The following GHRHR variants were observed in gnomAD, a reference collection of about 807,000 sequenced individuals.
GHRHR encodes the protein growth hormone-releasing hormone receptor.
Under a neutral mutation model 58.3 loss-of-function variants are expected in GHRHR, and 40 were observed. The observed-to-expected ratio is 0.69, with a 90% CI of 0.53 to 0.89. The LOEUF (loss-of-function observed/expected upper bound fraction) is 0.89, where lower values mean the gene tolerates loss of function less well. GHRHR is among the 40% of genes least tolerant of loss of function. GHRHR has a pLI of 0.00. For synonymous variants in GHRHR, 249 were observed against 216.6 expected (o/e 1.15, Z -1.31); for missense variants, 551 against 541.3 (o/e 1.02, Z -0.18).
At chr7:30,972,262 G>T (rs1470947058) in intron 6 of GHRHR, 167 bp downstream of exon 6, 2 of 678,320 alleles carry the variant, frequency 2.9e-6, no homozygotes, top group Non-Finnish European at 5.1e-6. Flanking sequence ...CACCCCCTAA[G>T]TCCTCACGCC....
chr7:30,976,678 C>A (rs1792591454), intron 11 of GHRHR, 120 bp downstream of exon 11: 2 of 822,720 alleles, frequency 2.4e-6, no homozygotes, highest in Non-Finnish European at 2.0e-6. Flanking sequence ...TCCATCTATT[C>A]AAATATCTGT....
At chr7:30,977,188 G>T (rs1792602785) in intron 11 of GHRHR, 93 bp from the exon 12 acceptor site, 1 of 1,171,624 alleles carries the variant, frequency 8.5e-7, no homozygotes, top group East Asian at 2.3e-5. Flanking sequence ...CCATAGCCTG[G>T]GGATGAGTAG....
intron 1 of GHRHR, among the ~76,000 whole-genome samples, chr7:30,967,503 T>C (rs558456742): frequency 6.6e-6 from 1 of 152,112 alleles, no homozygotes; most frequent in African/African-American, 2.4e-5. Flanking sequence ...ATCAAGGTTA[T>C]GATCCTTTCA....
intron 11 of GHRHR, among the ~76,000 whole-genome samples, 172 bp from the exon 12 acceptor site, chr7:30,977,109 A>G (rs755953460): frequency 1.7e-4 from 26 of 152,236 alleles, no homozygotes; most frequent in Non-Finnish European, 3.4e-4. Flanking sequence ...CAATTCTATG[A>G]CAATATGCCT....
rs1001211138 is a variant in GHRHR at position 30,971,157 on chromosome 7, G to A, written c.405G>A (p.Val135=). 7 of 1,529,912 alleles carry A rather than the reference G, an allele frequency of 4.6e-6. No homozygotes were observed. Among genetic ancestry groups the A allele is most frequent in the Admixed American group, 1.9e-5 (1 of 51,754 alleles). The allele number at this position is 1,529,912 out of a possible 1,614,324, so 94.8% of individuals were successfully genotyped here. ...CCACAGTGAAGATTATCTACACCGT[G>A]GGCCATAGCATCTCTATTGTAGCCC... The part of the protein sequence containing the change: ...YFSTVKIIYT[V]GHSISIVALF... The change falls in exon 5 of 13, where the codon GTG becomes GTA. Residue 135 remains valine, a synonymous_variant. Coordinates refer to ENST00000326139, the MANE Select transcript of GHRHR (RefSeq NM_000823.4).
At position 30,973,990 on chromosome 7, in the gene GHRHR, A is replaced by G. The variant is rs1792525829; in HGVS notation, c.603A>G (p.Leu201=). 3.7e-6 allele frequency: 6 copies of G among 1,613,388 alleles called. No homozygotes were observed. Among genetic ancestry groups the G allele is most frequent in the Admixed American group, 3.3e-5 (2 of 60,004 alleles). The part of the protein sequence containing the change: ...DTDHCSFSTV[L]CKVSVAASHF... ...ACCCAGGTCCTGGCCCCCAGGTTCT[A>G]TGCAAGGTCTCTGTGGCCGCCTCCC... is the stretch of plus-strand genomic sequence containing the variant. Residue 201 remains leucine (L), a synonymous_variant, in exon 7 of 13, where the codon CTA becomes CTG. Transcript: ENST00000326139.
intron 12 of GHRHR, 77 bp downstream of exon 12, chr7:30,977,399 C>A: frequency 7.8e-7 from 1 of 1,274,984 alleles, no homozygotes; most frequent in Non-Finnish European, 1.1e-6. Flanking sequence ...CTCTCCCACT[C>A]AGGCCCTGTA....
intron 6 of GHRHR, among the ~76,000 whole-genome samples, chr7:30,972,578 T>C (rs189810921): frequency 5.9e-5 from 9 of 152,104 alleles, no homozygotes; most frequent in Non-Finnish European, 1.0e-4. Flanking sequence ...TGGAGCTGTA[T>C]TGGCAGCAAC....
chr7:30,974,832 C>T, intron 8 of GHRHR, 139 bp from the exon 9 acceptor site: 1 of 756,684 alleles, frequency 1.3e-6, no homozygotes. Flanking sequence ...TTGGGTGAGA[C>T]CTTAACTGGC....
chr7:30,964,110 G>A lies in GHRHR; in HGVS notation c.42G>A (p.Leu14=). The A allele has an allele frequency of 6.5e-7, 1 of 1,549,608 alleles. No individual in the cohort carries two copies. Among genetic ancestry groups the A allele is most frequent in the Non-Finnish European group, 8.7e-7 (1 of 1,146,956 alleles). ...RMWGAHVFCV[L]SPLPTVLGHM... is the part of the protein sequence containing the mutation. ...GGGGGGCCCACGTCTTCTGCGTGTT[G>A]AGCCCGTTACCGACCGTGAGTAGCC... The change falls in exon 1 of 13, where the codon TTG becomes TTA. Residue 14 remains leucine, a synonymous_variant. Coordinates refer to ENST00000326139, the MANE Select transcript of GHRHR (RefSeq NM_000823.4).
At chr7:30,977,667 AG>A (rs1219496196) in intron 12 of GHRHR, among the ~76,000 whole-genome samples, 1 of 152,070 alleles carries the variant, frequency 6.6e-6, no homozygotes, top group South Asian at 2.1e-4. Context: ...AGAGTTGGGG[AG>A]GGGGTACGCC....
chr7:30,975,677 AT>A, intron 9 of GHRHR, 99 bp from the exon 10 acceptor site: 4 of 752,856 alleles, frequency 5.3e-6, no homozygotes, highest in Non-Finnish European at 9.9e-6. Context: ...CGTCTCAAGG[AT>A]TTAAATTTTC....
intron 1 of GHRHR, among the ~76,000 whole-genome samples, chr7:30,965,776 C>T (rs943352168): frequency 6.6e-6 from 1 of 152,240 alleles, no homozygotes. Context: ...GACCACAGCT[C>T]TTCCAACAGC....
chr7:30,966,205 C>T (rs553099558), intron 1 of GHRHR, among the ~76,000 whole-genome samples: 10 of 152,268 alleles, frequency 6.6e-5, no homozygotes, highest in Non-Finnish European at 7.4e-5. Flanking sequence ...GCAGAGCTCT[C>T]GGGTCTCTCC....
rs1792467921 is a variant in GHRHR, at chr7:30,970,936, G to A, written c.367-183G>A. ...CCCTCACCCGCAGGTCAGGTGGAAG[G>A]CAGGCTGTAAACTAAAGCTCCAGTG... On this transcript the variant is annotated intron_variant, in intron 4 of 12. Coordinates refer to ENST00000326139, the MANE Select transcript of GHRHR (RefSeq NM_000823.4). 3 of 662,022 alleles carry A rather than the reference G, an allele frequency of 4.5e-6. 1 individual carries two copies. The highest frequency in any genetic ancestry group is 3.3e-5 in the South Asian group (2 of 60,222). The allele number at this position is 662,022 out of a possible 1,614,324, so 41.0% of individuals were successfully genotyped here.
In GHRHR at chr7:30,972,291, C is replaced by G. The variant is rs996956770; in HGVS notation, c.597+196C>G. Reference sequence around the variant, plus strand: ...TCACGCCTTTCCTGGACTGTGGTGTCGATCCATGTCATTTCCCATATTGCA... The same window carrying G: ...TCACGCCTTTCCTGGACTGTGGTGTGGATCCATGTCATTTCCCATATTGCA... On this transcript the variant is annotated intron_variant, in intron 6 of 12. Coordinates refer to ENST00000326139, the MANE Select transcript of GHRHR (RefSeq NM_000823.4). The G allele has an allele frequency of 2.4e-5, 15 of 623,206 alleles. No individual in the cohort carries two copies. The African/African-American group carries it at 2.7e-4, about 11-fold the overall frequency. The allele number at this position is 623,206 out of a possible 1,614,324, so 38.6% of individuals were successfully genotyped here.
At chr7:30,976,107 T>C (rs1792579872) in intron 10 of GHRHR, 2 of 577,102 alleles carry the variant, frequency 3.5e-6, no homozygotes, top group African/African-American at 3.7e-5. Context: ...TCAATTTCTA[T>C]GGGAGCCTGG....
intron 1 of GHRHR, 48 bp downstream of exon 1, chr7:30,964,173 T>C (rs1050058386): frequency 6.7e-7 from 1 of 1,500,638 alleles, no homozygotes; most frequent in Non-Finnish European, 9.0e-7. Context: ...GGGCTCCAGA[T>C]TTGGGAGCCA....
intron 4 of GHRHR, among the ~76,000 whole-genome samples, chr7:30,970,431 C>T (rs150379480): frequency 1.3e-5 from 2 of 152,330 alleles, no homozygotes; most frequent in Admixed American, 6.5e-5. Flanking sequence ...CTTGTGTATC[C>T]AGCAGGGCCT....
Sources: gnomAD v4.1 joint callset for allele counts (sites outside exome capture counted in the v4.1 genomes callset) on GRCh38, gnomAD v4.1.1 for gene constraint, MANE v1.5 for transcripts, NCBI Gene and HGNC (gene_info 2026-07-23, HGNC 2026-07-21) for gene names.